Variants in MET observed in about 807,000 individuals in gnomAD.
The protein encoded by MET is MET proto-oncogene, receptor tyrosine kinase.
In MET, 48 loss-of-function variants were observed where a neutral mutation model predicts 133.1. The ratio of observed to expected loss-of-function variants is 0.36; its 90% confidence interval spans 0.29 to 0.46. The LOEUF (loss-of-function observed/expected upper bound fraction) is 0.46, where lower values mean the gene tolerates loss of function less well. Among genes scored for constraint, MET ranks in the 20% least tolerant of loss-of-function variants. MET has a pLI of 1.00. For synonymous variants in MET, 628 were observed against 616.5 expected, an observed-to-expected ratio of 1.02 and a Z score of -0.28; for missense variants, 1,442 against 1,695.9, an observed-to-expected ratio of 0.85 and a Z score of 2.63.
At chr7:116,691,620 C>A (rs1796780582) in intron 1 of MET, among the ~76,000 whole-genome samples, 1 of 152,214 alleles carries the variant, frequency 6.6e-6, no homozygotes, top group African/African-American at 2.4e-5. Flanking sequence ...CATCAGGAGC[C>A]TGCCTCCCTC....
At chr7:116,710,581 A>G (rs2116654728) in intron 2 of MET, among the ~76,000 whole-genome samples, 1 of 152,298 alleles carries the variant, frequency 6.6e-6, no homozygotes, top group South Asian at 2.1e-4. Context: ...GATTTTGCAC[A>G]GAAAAACATG....
At chr7:116,722,355 T>C (rs1474112787) in intron 2 of MET, among the ~76,000 whole-genome samples, 4 of 151,038 alleles carry the variant, frequency 2.6e-5, no homozygotes, top group Non-Finnish European at 6.0e-5. Flanking sequence ...TCCATCCTTT[T>C]ATTTTGAGCC....
chr7:116,708,281 T>A (rs937176316), intron 2 of MET, among the ~76,000 whole-genome samples: 3 of 152,194 alleles, frequency 2.0e-5, no homozygotes, highest in African/African-American at 7.2e-5. Flanking sequence ...CTAACCTTTA[T>A]ATAAAGCTTA....
chr7:116,725,609 C>T (rs1192914888), intron 2 of MET, among the ~76,000 whole-genome samples: 1 of 151,364 alleles, frequency 6.6e-6, no homozygotes, highest in East Asian at 1.9e-4. Flanking sequence ...GGTGATATAG[C>T]CTACTACACA....
chr7:116,678,862 C>T (rs562201153), intron 1 of MET, among the ~76,000 whole-genome samples: 90 of 152,252 alleles, frequency 5.9e-4, no homozygotes, highest in African/African-American at 2.1e-3. Context: ...TCCCTCTAAG[C>T]TCTTTGATGT....
intron 1 of MET, among the ~76,000 whole-genome samples, chr7:116,692,738 C>T (rs1796816888): frequency 6.6e-6 from 1 of 152,114 alleles, no homozygotes; most frequent in Non-Finnish European, 1.5e-5. Flanking sequence ...GATGATCACT[C>T]CCAGGAAATG....
chr7:116,701,603 C>A (rs867409805), intron 2 of MET, among the ~76,000 whole-genome samples: 11 of 152,116 alleles, frequency 7.2e-5, no homozygotes, highest in South Asian at 4.1e-4. Context: ...ATATACATAA[C>A]ATAAATGCAC....
intron 5 of MET, 171 bp downstream of exon 5, chr7:116,741,196 C>T: frequency 2.6e-6 from 2 of 769,206 alleles, no homozygotes; most frequent in Non-Finnish European, 4.2e-6. Flanking sequence ...CACCATCTCT[C>T]TCTTGGCTTT....
chr7:116,754,038 G>A (rs1441845537), intron 5 of MET, among the ~76,000 whole-genome samples: 3 of 152,188 alleles, frequency 2.0e-5, no homozygotes, highest in African/African-American at 4.8e-5. Flanking sequence ...GAGAGGCTGA[G>A]GCGGGAGGAT....
chr7:116,778,728 T>C, intron 16 of MET, 48 bp from the exon 17 acceptor site: 1 of 1,592,380 alleles, frequency 6.3e-7, no homozygotes. Flanking sequence ...GACAAAAGTA[T>C]TCACTGTTCC....
chr7:116,758,956 CT>C (rs1584943187), intron 9 of MET, among the ~76,000 whole-genome samples: 1 of 152,060 alleles, frequency 6.6e-6, no homozygotes, highest in East Asian at 1.9e-4. Context: ...GTGGAATTAC[CT>C]TTTTTCTTCC....
chr7:116,700,335 T>C, intron 2 of MET, 51 bp downstream of exon 2: 9 of 1,568,424 alleles, frequency 5.7e-6, no homozygotes, highest in Non-Finnish European at 7.7e-6. Context: ...AAATTAGAAA[T>C]AAGTATCAGT....
rs1235755029 is a variant in MET at position 116,777,401 on chromosome 7, G to A, written c.3272G>A (p.Cys1091Tyr). The A allele has an allele frequency of 6.2e-7, 1 of 1,613,718 alleles. No homozygotes were observed. The highest frequency in any genetic ancestry group is 8.5e-7 in the Non-Finnish European group (1 of 1,179,826). The change falls in exon 16 of 21, where the codon TGT becomes TAT. Residue 1091 changes from cysteine (C) to tyrosine (Y), a missense_variant. Physicochemically the swap from Cys to Tyr is radical, Grantham distance 194 (BLOSUM62 -2). This residue lies in a region of MET where 514 missense variants were observed against 659.6 expected (regional missense o/e 0.78). Transcript: ENST00000397752. ...TTCTTTTGCACAGGGCATTTTGGTT[G>A]TGTATATCATGGGACTTTGTTGGAC... ...NEVIGRGHFGCVYHGTLLDND... is the reference protein window; with the variant it reads ...NEVIGRGHFGYVYHGTLLDND...
chr7:116,755,167 G>A lies in MET; in HGVS notation c.1702-188G>A, dbSNP rs1041077971. On this transcript the variant is annotated intron_variant, in intron 5 of 20. Coordinates refer to ENST00000397752, the MANE Select transcript of MET (RefSeq NM_000245.4). ...CATTAACATGTCATGTAGTTTTAAT[G>A]TTTGTTCCAGATGCTCTGAAATTTG... Among the ~76,000 whole-genome samples, 4 of 152,180 alleles carry A rather than the reference G, an allele frequency of 2.6e-5. No homozygotes were observed. In the South Asian group the frequency reaches 8.3e-4, roughly 32 times the overall value.
intron 2 of MET, chr7:116,724,093 CT>C: frequency 5.7e-6 from 1 of 176,096 alleles, no homozygotes; most frequent in Non-Finnish European, 1.2e-5. Context: ...TCGCTGCCGC[CT>C]TGCGGTTTGA....
At chr7:116,711,644 G>A (rs1225103516) in intron 2 of MET, among the ~76,000 whole-genome samples, 2 of 150,464 alleles carry the variant, frequency 1.3e-5, no homozygotes, top group Non-Finnish European at 3.0e-5. Flanking sequence ...TTTTTGTTTA[G>A]TGTATTGACA....
In MET at chr7:116,757,558, T is replaced by C. The variant is rs2116921742; in HGVS notation, c.1965+19T>C. On this transcript the variant is annotated intron_variant, in intron 7 of 20. Transcript: ENST00000397752. Reference sequence around the variant, plus strand: ...CTATGTGGTAAGGAAGATTCTATCCTATCATGTTTGATTTTTACTTAATCT... The same window carrying C: ...CTATGTGGTAAGGAAGATTCTATCCCATCATGTTTGATTTTTACTTAATCT... The C allele has an allele frequency of 6.2e-7, 1 of 1,613,042 alleles. No individual in the cohort carries two copies. The highest frequency in any genetic ancestry group is 8.5e-7 in the Non-Finnish European group (1 of 1,179,074).
chr7:116,704,628 G>T (rs1323338287), intron 2 of MET, among the ~76,000 whole-genome samples: 2 of 141,934 alleles, frequency 1.4e-5, no homozygotes, highest in African/African-American at 5.1e-5. Flanking sequence ...GTGTTATGTT[G>T]TTCTTAAGAT....
chr7:116,713,611 C>A (rs1382340697), intron 2 of MET, among the ~76,000 whole-genome samples: 3 of 151,888 alleles, frequency 2.0e-5, no homozygotes, highest in Non-Finnish European at 2.9e-5. Flanking sequence ...AGAAGGGGAG[C>A]CCACAGATGG....
Sources: allele counts gnomAD v4.1 joint callset (sites outside exome capture counted in the v4.1 genomes callset), GRCh38; gene constraint gnomAD v4.1.1; regional missense constraint gnomAD v4.1.1; transcripts MANE v1.5; gene names NCBI Gene and HGNC (gene_info 2026-07-23, HGNC 2026-07-21).